NRG3: variants seen among roughly 807,000 people sequenced by gnomAD.
NRG3 encodes the protein pro-neuregulin-3, membrane-bound isoform.
A neutral mutation model predicts 66.9 loss-of-function variants in NRG3; 31 were observed. That is an observed-to-expected ratio of 0.46 (90% CI 0.35 to 0.63). The LOEUF is 0.63. Ranked by LOEUF, NRG3 falls within the 20% of genes least tolerant of loss-of-function variation. The pLI is 0.00. For missense variants in NRG3, 910 were observed against 878.9 expected (o/e 1.04, Z -0.45); for synonymous variants, 393 against 359.4 (o/e 1.09, Z -1.06).
intron 3 of NRG3, among the ~76,000 whole-genome samples, chr10:82,851,907 G>T (rs1449848497): frequency 6.6e-6 from 1 of 152,134 alleles, no homozygotes; most frequent in Non-Finnish European, 1.5e-5. Flanking sequence ...AGTGTGATGA[G>T]ACTCAGAGTA....
At chr10:81,971,671 T>C (rs1209044530) in intron 1 of NRG3, among the ~76,000 whole-genome samples, 3 of 152,214 alleles carry the variant, frequency 2.0e-5, no homozygotes, top group Admixed American at 2.0e-4. Context: ...TGTGCCAGCC[T>C]ACTGCTTTAA....
intron 2 of NRG3, among the ~76,000 whole-genome samples, chr10:82,496,464 T>C (rs1843647114): frequency 6.6e-6 from 1 of 152,168 alleles, no homozygotes; most frequent in African/African-American, 2.4e-5. Flanking sequence ...AAAAAAGAGA[T>C]AAAAGAATTA....
intron 4 of NRG3, among the ~76,000 whole-genome samples, chr10:82,889,430 A>G (rs1842971406): frequency 6.6e-6 from 1 of 152,188 alleles, no homozygotes. Flanking sequence ...AAAGTTGAAT[A>G]TAAGGAGCTA....
At chr10:82,670,506 A>G (rs886594053) in intron 2 of NRG3, among the ~76,000 whole-genome samples, 10 of 152,168 alleles carry the variant, frequency 6.6e-5, no homozygotes, top group African/African-American at 2.4e-4. Context: ...AGAGTTTTGG[A>G]GAGAGAGTAC....
chr10:82,655,465 T>G (rs896696050), intron 2 of NRG3, among the ~76,000 whole-genome samples: 3 of 152,122 alleles, frequency 2.0e-5, no homozygotes, highest in Non-Finnish European at 4.4e-5. Context: ...GTGTGGAACA[T>G]TAACATAATT....
intron 2 of NRG3, among the ~76,000 whole-genome samples, chr10:82,614,729 C>G (rs947932687): frequency 6.6e-6 from 1 of 152,144 alleles, no homozygotes; most frequent in Admixed American, 6.6e-5. Context: ...TCTAGAAACA[C>G]TTGTTTTCTC....
intron 1 of NRG3, among the ~76,000 whole-genome samples, chr10:82,059,022 A>G (rs1482008863): frequency 6.6e-6 from 1 of 152,164 alleles, no homozygotes; most frequent in Non-Finnish European, 1.5e-5. Context: ...TTCCAGTGAG[A>G]CAAAGCAGAA....
At chr10:82,638,487 G>A (rs1030452878) in intron 2 of NRG3, among the ~76,000 whole-genome samples, 7 of 151,980 alleles carry the variant, frequency 4.6e-5, no homozygotes, top group South Asian at 4.2e-4. Context: ...ACATTTGCCC[G>A]GTTTGACCTG....
At chr10:82,631,675 T>C (rs2049849867) in intron 2 of NRG3, among the ~76,000 whole-genome samples, 1 of 151,546 alleles carries the variant, frequency 6.6e-6, no homozygotes, top group African/African-American at 2.4e-5. Context: ...CATGTTCTCA[T>C]AAGGCAAGAT....
chr10:82,410,725 T>C (rs1435036115), intron 2 of NRG3, among the ~76,000 whole-genome samples: 1 of 151,832 alleles, frequency 6.6e-6, no homozygotes, highest in Non-Finnish European at 1.5e-5. Flanking sequence ...ATCTTTTCTT[T>C]TCTTGTATCT....
intron 1 of NRG3, among the ~76,000 whole-genome samples, chr10:82,145,883 A>G (rs532622161): frequency 6.6e-6 from 1 of 152,078 alleles, no homozygotes; most frequent in South Asian, 2.1e-4. Flanking sequence ...AGGCCATTGC[A>G]ATAGATAAGT....
At chr10:82,152,397 C>A (rs932769414) in intron 1 of NRG3, among the ~76,000 whole-genome samples, 1 of 152,122 alleles carries the variant, frequency 6.6e-6, no homozygotes, top group Admixed American at 6.6e-5. Context: ...TTTGCTTAGC[C>A]TTTGTATCTC....
chr10:82,209,898 GC>G (rs2075312932), intron 1 of NRG3, among the ~76,000 whole-genome samples: 1 of 152,050 alleles, frequency 6.6e-6, no homozygotes, highest in African/African-American at 2.4e-5. Flanking sequence ...GAAGCATGTG[GC>G]TTTTTGGAAA....
At chr10:82,420,417 T>C (rs541905653) in intron 2 of NRG3, among the ~76,000 whole-genome samples, 1 of 152,316 alleles carries the variant, frequency 6.6e-6, no homozygotes, top group South Asian at 2.1e-4. Context: ...AAAGAACAAA[T>C]GAACCAAGTG....
chr10:82,445,160 A>G (rs979364546), intron 2 of NRG3, among the ~76,000 whole-genome samples: 7 of 149,556 alleles, frequency 4.7e-5, no homozygotes, highest in African/African-American at 7.4e-5. Context: ...TTTGTACCCT[A>G]TAACTTCTCC....
intron 2 of NRG3, among the ~76,000 whole-genome samples, chr10:82,404,892 A>G (rs891911815): frequency 4.6e-5 from 7 of 152,076 alleles, no homozygotes; most frequent in Non-Finnish European, 7.4e-5. Context: ...CCCTGTCAGC[A>G]TGGAGCACAG....
At chr10:82,015,656 T>G (rs771987610) in intron 1 of NRG3, among the ~76,000 whole-genome samples, 53 of 152,074 alleles carry the variant, frequency 3.5e-4, no homozygotes, top group Non-Finnish European at 7.1e-4. Context: ...GGTGACTTAA[T>G]TGACATGTGA....
rs554482665 is a variant in NRG3, at chr10:82,965,731, G to GTC, written c.1284+6666_1284+6667dup. Among the ~76,000 whole-genome samples, 269 of 151,950 alleles carry GTC rather than the reference G, an allele frequency of 1.8e-3. 3 individuals carry two copies. Among genetic ancestry groups the GTC allele is most frequent in the African/African-American group, 6.1e-3 (254 of 41,396 alleles). ...AGCCTGGGCAACAGAGTAAGACTCTGTCTCTCTCTCTTTATATATATATAT... is the reference window on the plus strand; with the variant it reads ...AGCCTGGGCAACAGAGTAAGACTCTGTCTCTCTCTCTCTTTATATATATATAT... On this transcript the variant is annotated intron_variant, in intron 6 of 8. Coordinates refer to ENST00000372141, the MANE Select transcript of NRG3 (RefSeq NM_001010848.4).
chr10:82,594,917 A>G (rs1032638835), intron 2 of NRG3, among the ~76,000 whole-genome samples: 1 of 151,846 alleles, frequency 6.6e-6, no homozygotes, highest in Non-Finnish European at 1.5e-5. Flanking sequence ...GATGTCTTTG[A>G]CAATAGAAGA....
Sources: allele counts gnomAD v4.1 joint callset (sites outside exome capture counted in the v4.1 genomes callset), GRCh38; gene constraint gnomAD v4.1.1; transcripts MANE v1.5; gene names NCBI Gene and HGNC (gene_info 2026-07-23, HGNC 2026-07-21).